Variants in LSAMP observed in about 807,000 individuals in gnomAD.
LSAMP encodes limbic system associated membrane protein, also known as limbic system-associated membrane protein.
In LSAMP, 7 loss-of-function variants were observed where a neutral mutation model predicts 38.6. The ratio of observed to expected loss-of-function variants is 0.18; its 90% CI spans 0.10 to 0.34. The LOEUF is 0.34. LSAMP is among the 10% of genes least tolerant of loss of function. The probability of loss-of-function intolerance (pLI) is 1.00; values close to 1 mark genes in which losing one functional copy is unlikely to be tolerated. For synonymous variants in LSAMP, 154 were observed against 166.8 expected (o/e 0.92, Z 0.59); for missense variants, 313 against 420.0 (o/e 0.75, Z 2.23).
intron 6 of LSAMP, among the ~76,000 whole-genome samples, chr3:115,824,451 C>A (rs912000617): frequency 6.6e-6 from 1 of 152,146 alleles, no homozygotes; most frequent in South Asian, 2.1e-4. Context: ...CCCAGTAATC[C>A]CAGCACTTTG....
intron 6 of LSAMP, among the ~76,000 whole-genome samples, chr3:115,815,475 TC>T (rs1483897545): frequency 6.6e-6 from 1 of 152,202 alleles, no homozygotes; most frequent in African/African-American, 2.4e-5. Context: ...TTCTCTACTC[TC>T]TATAAAGCGA....
intron 1 of LSAMP, among the ~76,000 whole-genome samples, chr3:116,220,574 A>G (rs1252632197): frequency 6.6e-6 from 1 of 152,186 alleles, no homozygotes; most frequent in African/African-American, 2.4e-5. Context: ...TGGAGATGGC[A>G]CATAGTTTGC....
chr3:116,382,030 G>A (rs1056018292), intron 1 of LSAMP, among the ~76,000 whole-genome samples: 1 of 152,130 alleles, frequency 6.6e-6, no homozygotes, highest in Non-Finnish European at 1.5e-5. Flanking sequence ...AAGAGAGGAT[G>A]TGGAGAAACA....
intron 1 of LSAMP, among the ~76,000 whole-genome samples, chr3:116,116,017 C>A (rs1708734875): frequency 6.9e-6 from 1 of 145,214 alleles, no homozygotes; most frequent in South Asian, 2.1e-4. Flanking sequence ...AATTTCCTCT[C>A]ATTTTTTTTT....
intron 1 of LSAMP, among the ~76,000 whole-genome samples, chr3:116,219,032 C>A (rs986977667): frequency 6.6e-6 from 1 of 152,188 alleles, no homozygotes; most frequent in African/African-American, 2.4e-5. Context: ...AGTACCATAT[C>A]ATATAGTACA....
chr3:116,292,261 C>CATCT (rs2047277146), intron 1 of LSAMP, among the ~76,000 whole-genome samples: 1 of 152,154 alleles, frequency 6.6e-6, no homozygotes, highest in Non-Finnish European at 1.5e-5. Flanking sequence ...CAAGTCAACT[C>CATCT]ATCTTTAATC....
At chr3:115,939,745 G>A (rs1937846455) in intron 3 of LSAMP, among the ~76,000 whole-genome samples, 1 of 151,990 alleles carries the variant, frequency 6.6e-6, no homozygotes, top group Admixed American at 6.6e-5. Context: ...TTTTTGTAGA[G>A]ATGGGGTTCT....
chr3:115,804,711 A>G lies in LSAMP; in HGVS notation c.*5606T>C, dbSNP rs183356695. On this transcript the variant is annotated 3_prime_UTR_variant, in exon 7 of 7. Transcript: ENST00000490035. ...GAAATCATCTCCTTGATAATTTTTT[A>G]TGTAACAGTTGTTCATATTGTAGGA... is the stretch of plus-strand genomic sequence containing the variant. 2.4e-3 allele frequency: 364 copies of G among 152,148 alleles called. 1 individual carries two copies. Among genetic ancestry groups the G allele is most frequent in the African/African-American group, 8.3e-3 (344 of 41,506 alleles). The allele number at this position is 152,148 out of a possible 1,614,324, so 9.4% of individuals were successfully genotyped here. A position where few individuals can be genotyped will look rare whatever the true frequency, so the allele number is the denominator to read the frequency against.
intron 3 of LSAMP, among the ~76,000 whole-genome samples, chr3:115,896,416 T>C (rs1936730261): frequency 6.6e-6 from 1 of 151,996 alleles, no homozygotes; most frequent in African/African-American, 2.4e-5. Context: ...TCCCAGGTAG[T>C]TGAGTGAGGT....
chr3:116,112,969 AT>A (rs528068600), intron 1 of LSAMP, among the ~76,000 whole-genome samples: 378 of 145,060 alleles, frequency 2.6e-3, no homozygotes, highest in Middle Eastern at 7.2e-3. Context: ...TCCAGTACTC[AT>A]TTTTTTTTTT....
At chr3:116,257,564 T>C (rs1298142643) in intron 1 of LSAMP, among the ~76,000 whole-genome samples, 1 of 150,884 alleles carries the variant, frequency 6.6e-6, no homozygotes, top group Non-Finnish European at 1.5e-5. Context: ...TGACATAAAA[T>C]TAAAGATTTT....
chr3:116,370,931 T>C lies in LSAMP; in HGVS notation c.155+73946A>G, dbSNP rs534123047. On this transcript the variant is annotated intron_variant, in intron 1 of 6. Coordinates refer to ENST00000490035, the MANE Select transcript of LSAMP (RefSeq NM_002338.5). Reference sequence around the variant, plus strand: ...GATTCAACATAAATAAAAAAGATTATAAGAGAGTACTGAGAAAATTGTATA... The same window carrying C: ...GATTCAACATAAATAAAAAAGATTACAAGAGAGTACTGAGAAAATTGTATA... 2.6e-5 allele frequency among the ~76,000 whole-genome samples: 4 copies of C among 152,238 alleles called. No homozygotes were observed. The East Asian group carries it at 5.8e-4, about 22-fold the overall frequency.
chr3:116,197,163 A>ACACACACACTCTCTCTCTCTCT (rs1268040540), intron 1 of LSAMP, among the ~76,000 whole-genome samples: 1 of 139,088 alleles, frequency 7.2e-6, no homozygotes, highest in African/African-American at 2.6e-5. Context: ...ACACACACAC[A>ACACACACACTCTCTCTCTCTCT]CTCTCTCTCT....
At position 115,883,258 on chromosome 3, in the gene LSAMP, G is replaced by T. The variant is rs149967947; in HGVS notation, c.515-30641C>A. Reference sequence around the variant, plus strand: ...TCTATTAGAACACATTTGGGTTAGAGAACAGGGAAGTGACTAAAAGGGATA... The same window carrying T: ...TCTATTAGAACACATTTGGGTTAGATAACAGGGAAGTGACTAAAAGGGATA... On this transcript the variant is annotated intron_variant, in intron 3 of 6. Coordinates refer to ENST00000490035, the MANE Select transcript of LSAMP (RefSeq NM_002338.5). Among the ~76,000 whole-genome samples, 9 of 152,152 alleles carry T rather than the reference G, an allele frequency of 5.9e-5. No individual in the cohort carries two copies. The East Asian group carries it at 1.7e-3, about 29-fold the overall frequency.
intron 3 of LSAMP, among the ~76,000 whole-genome samples, chr3:115,947,164 G>T (rs1474959711): frequency 6.6e-6 from 1 of 152,022 alleles, no homozygotes; most frequent in Non-Finnish European, 1.5e-5. Context: ...TGATATAGAG[G>T]ATTAACCAAA....
chr3:116,106,977 T>C (rs1228728380), intron 1 of LSAMP, among the ~76,000 whole-genome samples: 1 of 152,064 alleles, frequency 6.6e-6, no homozygotes, highest in Non-Finnish European at 1.5e-5. Context: ...GGAAAGGAAA[T>C]GAGAGGTTCT....
At chr3:116,306,370 G>T (rs1461581914) in intron 1 of LSAMP, among the ~76,000 whole-genome samples, 4 of 152,024 alleles carry the variant, frequency 2.6e-5, no homozygotes, top group Admixed American at 2.6e-4. Context: ...GAGCTGGAGA[G>T]AGCAGATCAG....
intron 2 of LSAMP, among the ~76,000 whole-genome samples, chr3:116,051,778 G>A (rs1246352729): frequency 6.6e-6 from 1 of 152,004 alleles, no homozygotes. Context: ...TCTTGTCATG[G>A]CTACCAGTTG....
At chr3:115,928,740 G>A (rs73149050) in intron 3 of LSAMP, among the ~76,000 whole-genome samples, 16,379 of 152,188 alleles carry the variant, frequency 0.11, 964 homozygotes, top group Non-Finnish European at 0.14. Flanking sequence ...AATCAAGAAT[G>A]TTGAGGAAAC....
Sources: gnomAD v4.1 joint callset for allele counts (sites outside exome capture counted in the v4.1 genomes callset) on GRCh38, gnomAD v4.1.1 for gene constraint, MANE v1.5 for transcripts, NCBI Gene and HGNC (gene_info 2026-07-23, HGNC 2026-07-21) for gene names.